CACNA1G: variants seen among roughly 807,000 people sequenced by gnomAD.
CACNA1G encodes voltage-dependent T-type calcium channel subunit alpha-1G.
A neutral mutation model predicts 219.4 loss-of-function variants in CACNA1G; 67 were observed. That is an observed-to-expected ratio of 0.31 (90% CI 0.25 to 0.37). CACNA1G has a LOEUF of 0.37. CACNA1G is among the 10% of genes least tolerant of loss of function. The pLI is 1.00. For synonymous variants in CACNA1G, 1,296 were observed against 1,345.3 expected, an observed-to-expected ratio of 0.96 and a Z score of 0.80; for missense variants, 2,380 against 3,231.4, an observed-to-expected ratio of 0.74 and a Z score of 6.39.
At chr17:50,624,230 AG>A in intron 36 of CACNA1G, 129 bp from the exon 37 acceptor site, 2 of 1,245,926 alleles carry the variant, frequency 1.6e-6, no homozygotes, top group Non-Finnish European at 2.3e-6. Context: ...CTTTGAGTCC[AG>A]GGGGTAAGGG....
Position 50,568,985 on chromosome 17 carries a change from AGTGTGTGTGTGTGTGTGT to A in CACNA1G, c.354+17_354+34del. The A allele has an allele frequency of 1.7e-6, 2 of 1,181,508 alleles. No homozygotes were observed. Among genetic ancestry groups the A allele is most frequent in the Non-Finnish European group, 2.4e-6 (2 of 829,342 alleles). 73.2% of individuals were successfully genotyped at this position (1,181,508 alleles called of 1,614,324 possible). On this transcript the variant is annotated splice_donor_5th_base_variant and intron_variant, in intron 2 of 37. Transcript: ENST00000359106. ...CCAGCGCTGCCGGATCCTGCAGGTG[AGTGTGTGTGTGTGTGTGT>A]GTGTGTGTGTGTTGTGTGTGTTGGG...
At chr17:50,604,630 G>A (rs1284750010) in intron 22 of CACNA1G, among the ~76,000 whole-genome samples, 1 of 152,238 alleles carries the variant, frequency 6.6e-6, no homozygotes, top group East Asian at 1.9e-4. Flanking sequence ...ACAGTGGGCT[G>A]CAGGCCAGGT....
intron 1 of CACNA1G, among the ~76,000 whole-genome samples, chr17:50,566,147 G>C (rs893686560): frequency 6.6e-6 from 1 of 152,162 alleles, no homozygotes; most frequent in Non-Finnish European, 1.5e-5. Flanking sequence ...GCCTCAGTCA[G>C]GGGAGATCAT....
chr17:50,619,874 G>A (rs1448008093), intron 34 of CACNA1G, 48 bp downstream of exon 34: 3 of 1,507,328 alleles, frequency 2.0e-6, no homozygotes, highest in South Asian at 2.6e-5. Context: ...GTGCTGGGCT[G>A]TGCCACGCTG....
intron 9 of CACNA1G, among the ~76,000 whole-genome samples, chr17:50,586,935 C>T (rs916633748): frequency 6.6e-6 from 1 of 152,178 alleles, no homozygotes; most frequent in African/African-American, 2.4e-5. Flanking sequence ...CAGTCAACAT[C>T]AGCACAGACA....
chr17:50,567,306 C>T (rs771582412), intron 1 of CACNA1G, among the ~76,000 whole-genome samples: 5 of 152,076 alleles, frequency 3.3e-5, no homozygotes, highest in Non-Finnish European at 7.4e-5. Context: ...TTAGGACTCT[C>T]GGGGTACCAC....
chr17:50,572,458 A>T, intron 5 of CACNA1G, 96 bp from the exon 6 acceptor site: 1 of 1,062,584 alleles, frequency 9.4e-7, no homozygotes, highest in Non-Finnish European at 1.3e-6. Flanking sequence ...CTCACCCTAT[A>T]TGCCTCGAGC....
chr17:50,598,267 G>T (rs1019644272), intron 16 of CACNA1G, among the ~76,000 whole-genome samples: 1 of 152,248 alleles, frequency 6.6e-6, no homozygotes, highest in African/African-American at 2.4e-5. Context: ...GGCCTCAAGT[G>T]ATCCACCTGC....
chr17:50,625,728 A>G (rs1171222757), intron 37 of CACNA1G, among the ~76,000 whole-genome samples: 1 of 152,162 alleles, frequency 6.6e-6, no homozygotes, highest in Non-Finnish European at 1.5e-5. Flanking sequence ...CTTCTCTCAT[A>G]TCCCAGGAGG....
intron 13 of CACNA1G, 118 bp downstream of exon 13, chr17:50,592,210 A>G: frequency 7.3e-6 from 8 of 1,100,532 alleles, no homozygotes; most frequent in Non-Finnish European, 1.0e-5. Context: ...GTCCCACAGG[A>G]AGAGCCTCTT....
chr17:50,596,680 C>T lies in CACNA1G; in HGVS notation c.3064+34C>T, dbSNP rs1276811678. The T allele has an allele frequency of 6.2e-7, 1 of 1,613,530 alleles. No homozygotes were observed. The highest frequency in any genetic ancestry group is 2.2e-5 in the East Asian group (1 of 44,876). On this transcript the variant is annotated intron_variant, in intron 15 of 37. Coordinates refer to ENST00000359106, the MANE Select transcript of CACNA1G (RefSeq NM_018896.5). This position sits in a 1 kb window ranked among gnomAD's most constrained non-coding sequence, Gnocchi z 4.8. Reference sequence around the variant, plus strand: ...CTATCCTGGGGTGCGACTTTTGGCCCTGGGCCAGCCCTGTGTGGACTCGGG... The same window carrying T: ...CTATCCTGGGGTGCGACTTTTGGCCTTGGGCCAGCCCTGTGTGGACTCGGG...
At chr17:50,564,163 T>TGTGTGTGTGTGTG (rs1249645068) in intron 1 of CACNA1G, among the ~76,000 whole-genome samples, 44 of 141,720 alleles carry the variant, frequency 3.1e-4, no homozygotes, top group Admixed American at 5.0e-4. Context: ...TGTGTGTGTG[T>TGTGTGTGTGTGTG]TGCAAGGGAG....
At position 50,619,823 on chromosome 17, in the gene CACNA1G, A is replaced by G; in HGVS notation, c.5922A>G (p.Pro1974=). 1 of 1,603,528 alleles carries G rather than the reference A, an allele frequency of 6.2e-7. No homozygotes were observed. The highest frequency in any genetic ancestry group is 8.5e-7 in the Non-Finnish European group (1 of 1,177,588). Residue 1974 remains proline, a synonymous_variant, in exon 34 of 38, where the codon CCA becomes CCG. Transcript: ENST00000359106. ...PSAPSLGGSD[P]QIPLAEMEAL... is the part of the protein sequence containing the mutation. ...CCCCCAGCCTGGGAGGCTCCGACCC[A>G]CAGGTTACTGTGCCCCTGTGCTGTG...
In CACNA1G at chr17:50,572,776, C is replaced by T. The variant is rs761202089; in HGVS notation, c.969C>T (p.Cys323=). Residue 323 remains cysteine, a synonymous_variant, in exon 6 of 38, where the codon TGC becomes TGT. Transcript: ENST00000359106. Reference sequence around the variant, plus strand: ...ACTGGAACCAGTACTACACCAACTGCTCAGCGGGGGAGCACAACCCCTTCA... The same window carrying T: ...ACTGGAACCAGTACTACACCAACTGTTCAGCGGGGGAGCACAACCCCTTCA... ...CVNWNQYYTN[C]SAGEHNPFKG... 1.1e-5 allele frequency: 17 copies of T among 1,614,050 alleles called. No homozygotes were observed. The highest frequency in any genetic ancestry group is 1.4e-5 in the Non-Finnish European group (17 of 1,179,894).
intron 9 of CACNA1G, among the ~76,000 whole-genome samples, chr17:50,588,698 C>T (rs1337762696): frequency 6.6e-6 from 1 of 152,068 alleles, no homozygotes; most frequent in Non-Finnish European, 1.5e-5. Flanking sequence ...GGCTCCATGC[C>T]ATACTGGCCC....
chr17:50,591,723 C>T lies in CACNA1G; in HGVS notation c.2640-16C>T, dbSNP rs765494325. 98 of 1,612,896 alleles carry T rather than the reference C, an allele frequency of 6.1e-5. No individual in the cohort carries two copies. Among genetic ancestry groups the T allele is most frequent in the Non-Finnish European group, 7.6e-5 (90 of 1,179,098 alleles). ...TGGGCTCTGATCCCTAGCTTGTGGC[C>T]CCCTTGTGCCCACAGCATCCTGGGC... On this transcript the variant is annotated splice_polypyrimidine_tract_variant and intron_variant, in intron 11 of 37. Transcript: ENST00000359106.
intron 35 of CACNA1G, 109 bp from the exon 36 acceptor site, chr17:50,623,798 G>A (rs2052884293): frequency 1.1e-5 from 13 of 1,170,232 alleles, no homozygotes; most frequent in Non-Finnish European, 1.6e-5. Flanking sequence ...AGGGCACGGG[G>A]GTGAGGGCTG....
chr17:50,618,614 C>G lies in CACNA1G; in HGVS notation c.5428-41C>G. 1 of 1,465,326 alleles carries G rather than the reference C, an allele frequency of 6.8e-7. No homozygotes were observed. Among genetic ancestry groups the G allele is most frequent in the East Asian group, 2.3e-5 (1 of 43,590 alleles). 90.8% of individuals were successfully genotyped at this position (1,465,326 alleles called of 1,614,324 possible). A position where few individuals can be genotyped will look rare whatever the true frequency, so the allele number is the denominator to read the frequency against. ...TGATTTTCCACAACAGCTCCAACAA[C>G]TGTCCTCCCCAGCCTCACCCCTCTA... is the stretch of plus-strand genomic sequence containing the variant. On this transcript the variant is annotated intron_variant, in intron 32 of 37. Transcript: ENST00000359106. The surrounding 1 kb of genome is among the most constrained non-coding windows in gnomAD (Gnocchi z 5.3).
chr17:50,587,146 C>T (rs1321722084), intron 9 of CACNA1G, among the ~76,000 whole-genome samples: 1 of 152,072 alleles, frequency 6.6e-6, no homozygotes, highest in Non-Finnish European at 1.5e-5. Context: ...TGAGCTCTGT[C>T]TGGGTATATG....
Sources: allele counts gnomAD v4.1 joint callset (sites outside exome capture counted in the v4.1 genomes callset), GRCh38; gene constraint gnomAD v4.1.1; non-coding constraint Gnocchi (gnomAD v3.1); transcripts MANE v1.5; gene names NCBI Gene and HGNC (gene_info 2026-07-23, HGNC 2026-07-21).